The following FMN2 variants were observed in gnomAD, a reference collection of about 807,000 sequenced individuals.
The protein encoded by FMN2 is formin-2.
A neutral mutation model predicts 142.3 loss-of-function variants in FMN2; 51 were observed. The observed-to-expected ratio is 0.36, with a 90% CI of 0.29 to 0.45. The LOEUF (loss-of-function observed/expected upper bound fraction) is 0.45, where lower values mean the gene tolerates loss of function less well. Among genes scored for constraint, FMN2 ranks in the 20% least tolerant of loss-of-function variants. The pLI is 1.00. For synonymous variants in FMN2, 882 were observed against 869.8 expected (o/e 1.01, Z -0.25); for missense variants, 1,936 against 2,122.8 (o/e 0.91, Z 1.73).
At chr1:240,132,239 A>G (rs886314133) in intron 2 of FMN2, among the ~76,000 whole-genome samples, 1 of 152,216 alleles carries the variant, frequency 6.6e-6, no homozygotes, top group African/African-American at 2.4e-5. Context: ...TATGGAGGCT[A>G]TACCTCAAGG....
intron 4 of FMN2, among the ~76,000 whole-genome samples, chr1:240,205,795 T>TC (rs971451789): frequency 1.3e-5 from 2 of 151,830 alleles, no homozygotes; most frequent in Admixed American, 6.6e-5. Context: ...GTTTTTTTTT[T>TC]CTTGAAGGGT....
chr1:240,316,647 C>T, intron 8 of FMN2, among the ~76,000 whole-genome samples: 1 of 152,042 alleles, frequency 6.6e-6, no homozygotes, highest in East Asian at 1.9e-4. Flanking sequence ...TTTGGATCAC[C>T]ATAGCTGGGA....
At chr1:240,199,062 G>A (rs963766576) in intron 4 of FMN2, among the ~76,000 whole-genome samples, 1 of 152,128 alleles carries the variant, frequency 6.6e-6, no homozygotes, top group African/African-American at 2.4e-5. Context: ...CCGAGACCGT[G>A]CCATTGGACT....
intron 16 of FMN2, among the ~76,000 whole-genome samples, chr1:240,469,574 T>C (rs1022236341): frequency 5.9e-5 from 9 of 152,198 alleles, no homozygotes; most frequent in Non-Finnish European, 1.2e-4. Context: ...TCTTGACTCT[T>C]ACTCAACCTT....
chr1:240,241,988 GGT>G (rs1283054786), intron 6 of FMN2, among the ~76,000 whole-genome samples: 1 of 151,940 alleles, frequency 6.6e-6, no homozygotes, highest in Non-Finnish European at 1.5e-5. Flanking sequence ...TGGGACTACA[GGT>G]GCCCGCCACC....
Position 240,143,458 on chromosome 1 carries a change from G to A in FMN2, c.1782+20113G>A, listed in dbSNP as rs530792162. 1.6e-5 allele frequency: 24 copies of A among 1,498,820 alleles called. No individual in the cohort carries two copies. The Admixed American group carries it at 3.5e-4, about 22-fold the overall frequency. 92.8% of individuals were successfully genotyped at this position (1,498,820 alleles called of 1,614,324 possible). The stretch of plus-strand genomic sequence containing the variant: ...CTGATGTGCTCCCATGTCAGCAGGG[G>A]TTTCCTTTTTGTCCTTGTCCTTCTT... On this transcript the variant is annotated intron_variant, in intron 2 of 17. Transcript: ENST00000319653.
chr1:240,148,461 A>C (rs1663609343), intron 2 of FMN2, among the ~76,000 whole-genome samples: 1 of 149,444 alleles, frequency 6.7e-6, no homozygotes, highest in Admixed American at 6.9e-5. Flanking sequence ...AGAAAGAGAG[A>C]GAGACAGGGA....
intron 11 of FMN2, among the ~76,000 whole-genome samples, chr1:240,333,384 G>T (rs1420611753): frequency 6.6e-6 from 1 of 152,024 alleles, no homozygotes; most frequent in African/African-American, 2.4e-5. Context: ...CTTAGTATTG[G>T]AATGGTTAAA....
intron 2 of FMN2, among the ~76,000 whole-genome samples, chr1:240,173,591 G>A (rs1214614752): frequency 1.3e-5 from 2 of 152,154 alleles, no homozygotes; most frequent in Admixed American, 1.3e-4. Flanking sequence ...TAGGAAACAA[G>A]AAATGAATCT....
At chr1:240,326,035 T>C (rs757286039) in intron 8 of FMN2, among the ~76,000 whole-genome samples, 17 of 152,212 alleles carry the variant, frequency 1.1e-4, no homozygotes, top group Non-Finnish European at 2.2e-4. Flanking sequence ...ATATTTTTTC[T>C]AGAAGTAATA....
intron 13 of FMN2, among the ~76,000 whole-genome samples, chr1:240,352,180 A>G: frequency 6.6e-6 from 1 of 152,198 alleles, no homozygotes; most frequent in Non-Finnish European, 1.5e-5. Flanking sequence ...ACTGTAATGT[A>G]GTAGAAGACA....
chr1:240,178,341 A>G (rs1665011761), intron 3 of FMN2, among the ~76,000 whole-genome samples: 1 of 152,058 alleles, frequency 6.6e-6, no homozygotes, highest in African/African-American at 2.4e-5. Flanking sequence ...TTTTAAGAAA[A>G]CACTTTATAT....
chr1:240,358,037 C>T (rs1015397813), intron 14 of FMN2, among the ~76,000 whole-genome samples: 4 of 152,166 alleles, frequency 2.6e-5, no homozygotes, highest in Non-Finnish European at 5.9e-5. Context: ...GTAGGAAATG[C>T]TTCACCTTTT....
intron 2 of FMN2, chr1:240,144,542 T>A: frequency 6.9e-7 from 1 of 1,447,332 alleles, no homozygotes; most frequent in Admixed American, 1.7e-5. Context: ...GAAGATGTCT[T>A]CTACCAGCTC....
Position 240,248,815 on chromosome 1 carries a change from G to A in FMN2, c.4066-9130G>A, listed in dbSNP as rs887847644. Among the ~76,000 whole-genome samples the A allele has an allele frequency of 5.3e-5, 8 of 152,108 alleles. No individual in the cohort carries two copies. The South Asian group carries it at 1.0e-3, about 20-fold the overall frequency. ...TTGATTTGCATTTTCCTGATGGTTA[G>A]TGATGTTGAGCAGTTTTTTTCATAT... On this transcript the variant is annotated intron_variant, in intron 6 of 17. Coordinates refer to ENST00000319653, the MANE Select transcript of FMN2 (RefSeq NM_020066.5).
intron 6 of FMN2, among the ~76,000 whole-genome samples, chr1:240,219,130 T>C (rs1463893450): frequency 6.6e-6 from 1 of 152,178 alleles, no homozygotes; most frequent in Non-Finnish European, 1.5e-5. Flanking sequence ...GTCTGGGAGT[T>C]TTAGGAATGT....
At chr1:240,410,345 C>T (rs1274092560) in intron 15 of FMN2, among the ~76,000 whole-genome samples, 2 of 152,156 alleles carry the variant, frequency 1.3e-5, no homozygotes, top group Non-Finnish European at 2.9e-5. Flanking sequence ...CTGAGTGGAT[C>T]TAACGATCTG....
At chr1:240,214,264 G>T (rs1324288517) in intron 6 of FMN2, among the ~76,000 whole-genome samples, 1 of 152,108 alleles carries the variant, frequency 6.6e-6, no homozygotes, top group African/African-American at 2.4e-5. Flanking sequence ...TAGAAAAAGT[G>T]ATCTTGGCCG....
chr1:240,472,843 G>A (rs1365646032), intron 17 of FMN2, among the ~76,000 whole-genome samples: 1 of 151,552 alleles, frequency 6.6e-6, no homozygotes, highest in East Asian at 1.9e-4. Context: ...TACTTGGGAA[G>A]CTGAGGCAGA....
Sources: gnomAD v4.1 joint callset for allele counts (sites outside exome capture counted in the v4.1 genomes callset) on GRCh38, gnomAD v4.1.1 for gene constraint, MANE v1.5 for transcripts, NCBI Gene and HGNC (gene_info 2026-07-23, HGNC 2026-07-21) for gene names.